TIMD4: variants seen among roughly 807,000 people sequenced by gnomAD.
The protein encoded by TIMD4 is T cell immunoglobulin and mucin domain containing 4.
In TIMD4, 31 loss-of-function variants were observed where a neutral mutation model predicts 41.2. The observed-to-expected ratio is 0.75, with a 90% CI of 0.57 to 1.01. The LOEUF (loss-of-function observed/expected upper bound fraction) is 1.01, where lower values mean the gene tolerates loss of function less well. Among genes scored for constraint, TIMD4 ranks in the 50% least tolerant of loss-of-function variants. The probability of loss-of-function intolerance (pLI) is 0.00; values close to 1 mark genes in which losing one functional copy is unlikely to be tolerated. For synonymous variants in TIMD4, 204 were observed against 177.1 expected, an observed-to-expected ratio of 1.15 and a Z score of -1.21; for missense variants, 479 against 472.5, an observed-to-expected ratio of 1.01 and a Z score of -0.13.
chr5:156,930,045 G>A (rs1016136531), intron 5 of TIMD4, among the ~76,000 whole-genome samples: 2 of 152,060 alleles, frequency 1.3e-5, no homozygotes, highest in Non-Finnish European at 2.9e-5. Flanking sequence ...ATCTTGGCTC[G>A]CTGCAACCTC....
At chr5:156,921,857 A>G (rs1440368780) in intron 7 of TIMD4, among the ~76,000 whole-genome samples, 1 of 152,158 alleles carries the variant, frequency 6.6e-6, no homozygotes, top group Non-Finnish European at 1.5e-5. Flanking sequence ...CAATAAATGA[A>G]GGTGCTCTTC....
At chr5:156,945,027 T>G (rs1759714899) in intron 5 of TIMD4, among the ~76,000 whole-genome samples, 1 of 152,126 alleles carries the variant, frequency 6.6e-6, no homozygotes, top group South Asian at 2.1e-4. Flanking sequence ...CATCGAAAAT[T>G]ACATGAAAAA....
At chr5:156,919,647 C>T in intron 8 of TIMD4, 106 bp from the exon 9 acceptor site, 2 of 839,272 alleles carry the variant, frequency 2.4e-6, no homozygotes, top group South Asian at 3.4e-5. Flanking sequence ...GTTCAAAGGG[C>T]TCACAGTTCA....
Position 156,951,594 on chromosome 5 carries a change from T to C in TIMD4, c.597A>G (p.Ser199=), listed in dbSNP as rs777482635. 9.3e-6 allele frequency: 15 copies of C among 1,613,978 alleles called. No individual in the cohort carries two copies. The African/African-American group carries it at 1.1e-4, about 11-fold the overall frequency. ...CCTCCGGAAGGGTGCTTGGGGTTAG[T>C]GAAAGGCACGTGTTTGCTGTTGTGA... ...AVFTTANTCL[S]LTPSTLPEEA... Residue 199 remains serine (S), a synonymous_variant, in exon 3 of 9, where the codon TCA becomes TCG. Transcript: ENST00000274532.
chr5:156,922,327 TCAC>T, intron 6 of TIMD4, 111 bp from the exon 7 acceptor site: 1 of 889,108 alleles, frequency 1.1e-6, no homozygotes, highest in Non-Finnish European at 1.8e-6. Context: ...TCACTACATT[TCAC>T]CACCTTTTGT....
At chr5:156,938,020 A>C (rs1432215019) in intron 5 of TIMD4, among the ~76,000 whole-genome samples, 1 of 152,174 alleles carries the variant, frequency 6.6e-6, no homozygotes, top group East Asian at 1.9e-4. Flanking sequence ...CTTCTGCTGA[A>C]CTTGCACTGA....
At chr5:156,937,638 CCTCTTTTAAAGCTTGGCAATTCT>C (rs1246714982) in intron 5 of TIMD4, among the ~76,000 whole-genome samples, 1 of 152,148 alleles carries the variant, frequency 6.6e-6, no homozygotes, top group Non-Finnish European at 1.5e-5. Flanking sequence ...CATGGACATA[CCTCTTTTAAAGCTTGGCAATTCT>C]CTTTGATCTT....
intron 5 of TIMD4, among the ~76,000 whole-genome samples, chr5:156,941,669 C>G (rs771825072): frequency 1.3e-5 from 2 of 152,212 alleles, no homozygotes; most frequent in Non-Finnish European, 2.9e-5. Context: ...TTACCTCTAT[C>G]TCAAAGCAGA....
chr5:156,963,050 C>T, intron 1 of TIMD4, 91 bp downstream of exon 1: 1 of 1,303,454 alleles, frequency 7.7e-7, no homozygotes, highest in Non-Finnish European at 1.1e-6. Flanking sequence ...TGAGCTTCTG[C>T]TTCACTGAGG....
At chr5:156,921,895 A>G (rs2113337344) in intron 7 of TIMD4, among the ~76,000 whole-genome samples, 1 of 152,132 alleles carries the variant, frequency 6.6e-6, no homozygotes, top group East Asian at 1.9e-4. Flanking sequence ...CAAAACGTAA[A>G]CTCTACCAGG....
rs73813915 is a variant in TIMD4 at position 156,945,671 on chromosome 5, A to G, written c.844+2745T>C. Among the ~76,000 whole-genome samples the G allele has an allele frequency of 8.3e-3, 1,271 of 152,316 alleles. 13 individuals are homozygous for G. The highest frequency in any genetic ancestry group is 0.029 in the African/African-American group (1,197 of 41,548). ...TGTTTTCATGTACCCCTAACAAAAAAGCATGCGTGTAATGTTTGTGTAATT... is the reference window on the plus strand; with the variant it reads ...TGTTTTCATGTACCCCTAACAAAAAGGCATGCGTGTAATGTTTGTGTAATT... On this transcript the variant is annotated intron_variant, in intron 5 of 8. Transcript: ENST00000274532.
At chr5:156,955,421 C>A (rs945626088) in intron 1 of TIMD4, among the ~76,000 whole-genome samples, 7 of 152,178 alleles carry the variant, frequency 4.6e-5, no homozygotes, top group Non-Finnish European at 8.8e-5. Context: ...CTTTGGGAGG[C>A]CGAGGCAGGC....
intron 5 of TIMD4, among the ~76,000 whole-genome samples, chr5:156,943,107 A>G (rs1013805226): frequency 4.6e-5 from 7 of 152,228 alleles, no homozygotes; most frequent in African/African-American, 1.4e-4. Flanking sequence ...AAGTATCTAT[A>G]TACTGATCAG....
At chr5:156,936,669 C>A (rs1320399859) in intron 5 of TIMD4, among the ~76,000 whole-genome samples, 1 of 151,796 alleles carries the variant, frequency 6.6e-6, no homozygotes, top group East Asian at 1.9e-4. Flanking sequence ...GTAATCCCAG[C>A]AGTTTGGGAG....
intron 1 of TIMD4, among the ~76,000 whole-genome samples, chr5:156,959,072 C>T (rs745789247): frequency 6.6e-6 from 1 of 152,022 alleles, no homozygotes; most frequent in Admixed American, 6.6e-5. Context: ...TGTCAGTTAC[C>T]CCCAGGATCA....
intron 5 of TIMD4, among the ~76,000 whole-genome samples, chr5:156,928,703 A>G (rs777504417): frequency 6.6e-6 from 1 of 152,232 alleles, no homozygotes; most frequent in Non-Finnish European, 1.5e-5. Context: ...TTTGTTCATC[A>G]GGAAAGTGAC....
chr5:156,947,366 A>C (rs1759764488), intron 5 of TIMD4, among the ~76,000 whole-genome samples: 1 of 152,150 alleles, frequency 6.6e-6, no homozygotes, highest in Non-Finnish European at 1.5e-5. Flanking sequence ...TTCTGAGAAC[A>C]TTTTTCTACA....
intron 1 of TIMD4, among the ~76,000 whole-genome samples, chr5:156,960,007 C>A (rs897416556): frequency 2.0e-5 from 3 of 151,924 alleles, no homozygotes; most frequent in African/African-American, 7.3e-5. Flanking sequence ...TGCACCATTG[C>A]ACTCCAGCCT....
intron 6 of TIMD4, among the ~76,000 whole-genome samples, chr5:156,925,336 G>A (rs1759327988): frequency 1.3e-5 from 2 of 152,132 alleles, no homozygotes; most frequent in Non-Finnish European, 2.9e-5. Context: ...CTGCTCTGCA[G>A]GCAGGCATTG....
Sources: gnomAD v4.1 joint callset for allele counts (sites outside exome capture counted in the v4.1 genomes callset) on GRCh38, gnomAD v4.1.1 for gene constraint, MANE v1.5 for transcripts, NCBI Gene and HGNC (gene_info 2026-07-23, HGNC 2026-07-21) for gene names.